The following APPBP2 variants were observed in gnomAD, a reference collection of about 807,000 sequenced individuals.
The protein encoded by APPBP2 is amyloid protein-binding protein 2.
A neutral mutation model predicts 76.0 loss-of-function variants in APPBP2; 15 were observed. The ratio of observed to expected loss-of-function variants is 0.20; its 90% CI spans 0.13 to 0.30. APPBP2 has a LOEUF of 0.30. Ranked by LOEUF, APPBP2 falls within the 10% of genes least tolerant of loss-of-function variation. The pLI, the probability that APPBP2 is intolerant of heterozygous loss-of-function variation, is 1.00. For synonymous variants in APPBP2, 222 were observed against 242.2 expected, an observed-to-expected ratio of 0.92 and a Z score of 0.77; for missense variants, 401 against 687.2, an observed-to-expected ratio of 0.58 and a Z score of 4.66.
At position 60,453,540 on chromosome 17, in the gene APPBP2, TTTTTTTTG is replaced by T. The variant is rs903763701; in HGVS notation, c.1338+754_1338+761del. Among the ~76,000 whole-genome samples, 5 of 150,576 alleles carry T rather than the reference TTTTTTTTG, an allele frequency of 3.3e-5. 1 individual carries two copies. Among genetic ancestry groups the T allele is most frequent in the African/African-American group, 1.2e-4 (5 of 40,248 alleles). On this transcript the variant is annotated intron_variant, in intron 11 of 12. Coordinates refer to ENST00000083182, the MANE Select transcript of APPBP2 (RefSeq NM_006380.5). ...TTCCTAATTTTTCATGATCCTGTTT[TTTTTTTTG>T]TTTTTTTTGAAGACAGGCTCTCACT... is the stretch of plus-strand genomic sequence containing the variant.
At chr17:60,505,378 C>T (rs1038777274) in intron 1 of APPBP2, among the ~76,000 whole-genome samples, 7 of 152,240 alleles carry the variant, frequency 4.6e-5, no homozygotes, top group Admixed American at 2.6e-4. Flanking sequence ...TGCAGTGGCA[C>T]GATCTTGGCT....
At chr17:60,452,729 T>C (rs532644116) in intron 11 of APPBP2, among the ~76,000 whole-genome samples, 2 of 152,232 alleles carry the variant, frequency 1.3e-5, no homozygotes, top group South Asian at 4.1e-4. Flanking sequence ...GAGATCAGCC[T>C]GGGCAACAGG....
chr17:60,516,576 A>T (rs2090965836), intron 1 of APPBP2, among the ~76,000 whole-genome samples: 1 of 152,198 alleles, frequency 6.6e-6, no homozygotes, highest in Non-Finnish European at 1.5e-5. Context: ...TTCATTGTGT[A>T]ATATTCTACT....
At chr17:60,490,137 C>T (rs575925665) in intron 3 of APPBP2, among the ~76,000 whole-genome samples, 2 of 152,176 alleles carry the variant, frequency 1.3e-5, no homozygotes, top group African/African-American at 2.4e-5. Flanking sequence ...GGTGGTTGTA[C>T]GACTCTACAT....
chr17:60,511,075 G>A (rs188706936), intron 1 of APPBP2, among the ~76,000 whole-genome samples: 3 of 152,278 alleles, frequency 2.0e-5, no homozygotes, highest in Admixed American at 1.3e-4. Context: ...TTAGTGGTAG[G>A]AGATGTTACC....
intron 3 of APPBP2, 123 bp downstream of exon 3, chr17:60,494,338 GTGGTT>G: frequency 2.2e-6 from 2 of 920,108 alleles, no homozygotes; most frequent in Non-Finnish European, 3.3e-6. Flanking sequence ...ATGGGGTTAA[GTGGTT>G]CTGATGTTCT....
intron 6 of APPBP2, among the ~76,000 whole-genome samples, chr17:60,463,267 A>G (rs1325449876): frequency 1.3e-5 from 2 of 152,206 alleles, no homozygotes; most frequent in Non-Finnish European, 2.9e-5. Context: ...TGAAAAGTAC[A>G]TTAATGCTTT....
At chr17:60,465,409 TA>T (rs1403379240) in intron 5 of APPBP2, among the ~76,000 whole-genome samples, 7 of 152,220 alleles carry the variant, frequency 4.6e-5, no homozygotes, top group Non-Finnish European at 1.0e-4. Context: ...ACCATGTCTG[TA>T]AGATTTGTGT....
chr17:60,500,286 C>T, intron 2 of APPBP2, 113 bp downstream of exon 2: 3 of 714,266 alleles, frequency 4.2e-6, no homozygotes, highest in Admixed American at 3.0e-5. Flanking sequence ...GGATTACAGG[C>T]GTAAGCCACA....
intron 2 of APPBP2, among the ~76,000 whole-genome samples, chr17:60,497,722 C>T (rs2090788123): frequency 6.6e-6 from 1 of 152,056 alleles, no homozygotes; most frequent in African/African-American, 2.4e-5. Context: ...TGAATAAATG[C>T]TAACAACTTG....
intron 1 of APPBP2, chr17:60,513,318 C>T (rs1021008075): frequency 1.2e-5 from 7 of 569,280 alleles, no homozygotes; most frequent in South Asian, 1.1e-4. Context: ...ACCTATTCAT[C>T]AAATCAGAGT....
At chr17:60,479,984 T>C (rs1228640646) in intron 3 of APPBP2, among the ~76,000 whole-genome samples, 1 of 152,186 alleles carries the variant, frequency 6.6e-6, no homozygotes, top group Non-Finnish European at 1.5e-5. Flanking sequence ...AGTGAAAAGA[T>C]TCAGATGCAC....
intron 1 of APPBP2, among the ~76,000 whole-genome samples, chr17:60,508,730 G>C (rs1305568043): frequency 6.6e-6 from 1 of 152,146 alleles, no homozygotes; most frequent in East Asian, 1.9e-4. Flanking sequence ...TGGGTACCTA[G>C]TCCAAATTGA....
At chr17:60,454,944 T>C (rs1248039672) in intron 10 of APPBP2, among the ~76,000 whole-genome samples, 1 of 152,228 alleles carries the variant, frequency 6.6e-6, no homozygotes, top group Non-Finnish European at 1.5e-5. Flanking sequence ...CCTACTCATC[T>C]GACCAACCAA....
chr17:60,491,617 G>GT (rs1567932902), intron 3 of APPBP2, among the ~76,000 whole-genome samples: 1 of 151,966 alleles, frequency 6.6e-6, no homozygotes. Flanking sequence ...GCTAGTTTTT[G>GT]TATTTTTAGT....
At chr17:60,449,575 G>A (rs575980878) in intron 12 of APPBP2, among the ~76,000 whole-genome samples, 3 of 152,102 alleles carry the variant, frequency 2.0e-5, no homozygotes, top group East Asian at 3.9e-4. Flanking sequence ...CAGCCTGGAC[G>A]ACACAGCGAG....
chr17:60,525,896 A>G lies in APPBP2; in HGVS notation c.36T>C (p.Thr12=). Residue 12 remains threonine (T), a synonymous_variant, in exon 1 of 13, where the codon ACT becomes ACC. Coordinates refer to ENST00000083182, the MANE Select transcript of APPBP2 (RefSeq NM_006380.5). ...AAVELEWIPE[T]LYNTAISAVV... ...CAGCGGAGATGGCGGTGTTATAGAG[A>G]GTCTCTGGGATCCACTCTAGTTCCA... 1 of 1,613,586 alleles carries G rather than the reference A, an allele frequency of 6.2e-7. No individual in the cohort carries two copies. The highest frequency in any genetic ancestry group is 8.5e-7 in the Non-Finnish European group (1 of 1,179,892).
At chr17:60,461,971 TA>T in intron 7 of APPBP2, 22 bp downstream of exon 7, 1 of 1,609,200 alleles carries the variant, frequency 6.2e-7, no homozygotes, top group Non-Finnish European at 8.5e-7. Flanking sequence ...TTTAAAAGGA[TA>T]TTTTTAATAA....
intron 2 of APPBP2, among the ~76,000 whole-genome samples, chr17:60,495,657 T>C (rs1220176041): frequency 6.6e-6 from 1 of 151,876 alleles, no homozygotes; most frequent in Non-Finnish European, 1.5e-5. Flanking sequence ...TGAAGTGTTG[T>C]CATGAGGTGA....
Sources: allele counts gnomAD v4.1 joint callset (sites outside exome capture counted in the v4.1 genomes callset), GRCh38; gene constraint gnomAD v4.1.1; transcripts MANE v1.5; gene names NCBI Gene and HGNC (gene_info 2026-07-23, HGNC 2026-07-21).